Variants in AFF1 observed in about 807,000 individuals in gnomAD.
AFF1 encodes the protein ALF transcription elongation factor 1.
In AFF1, 48 loss-of-function variants were observed where a neutral mutation model predicts 121.7. The observed-to-expected ratio is 0.39, with a 90% CI of 0.31 to 0.50. AFF1 has a LOEUF of 0.50. AFF1 is among the 20% of genes least tolerant of loss of function. The pLI, the probability that AFF1 is intolerant of heterozygous loss-of-function variation, is 0.76. For synonymous variants in AFF1, 613 were observed against 563.0 expected (o/e 1.09, Z -1.26); for missense variants, 1,523 against 1,511.7 (o/e 1.01, Z -0.12).
At chr4:87,115,625 T>TTTTTTTTTTTTTTTA in intron 12 of AFF1, among the ~76,000 whole-genome samples, 1 of 103,036 alleles carries the variant, frequency 9.7e-6, no homozygotes. Context: ...TTTTTTTTTT[T>TTTTTTTTTTTTTTTA]CCAAAGACAG....
chr4:87,084,120 CAG>C lies in AFF1; in HGVS notation c.1062_1063del (p.Gln354HisfsTer5). ...TTTATTTTTTGCTTTTCACTTTCAG[CAG>C]ACCTACTCCAATGAAGTCCATTGTG... Reference protein sequence around the residue: ...KLKMPSQSVEQTYSNEVHCVE... With the variant: ...KLKMPSQSVEXTYSNEVHCVE... On this transcript the variant is annotated frameshift_variant and splice_region_variant, in exon 5 of 21. Coordinates refer to ENST00000395146, the MANE Select transcript of AFF1 (RefSeq NM_001166693.3). LOFTEE classifies it high-confidence loss of function. 1 of 1,613,780 alleles carries C rather than the reference CAG, an allele frequency of 6.2e-7. No homozygotes were observed. Among genetic ancestry groups the C allele is most frequent in the Non-Finnish European group, 8.5e-7 (1 of 1,179,738 alleles).
chr4:87,091,900 T>G, intron 7 of AFF1, 71 bp downstream of exon 7: 2 of 1,194,986 alleles, frequency 1.7e-6, no homozygotes, highest in Non-Finnish European at 2.4e-6. Flanking sequence ...CGTAAAAACA[T>G]TAGTAAAAAA....
intron 2 of AFF1, chr4:86,950,175 C>A (rs1341643935): frequency 7.1e-7 from 1 of 1,408,850 alleles, no homozygotes; most frequent in Non-Finnish European, 1.0e-6. Context: ...ATGTCTCATC[C>A]CGAGGTATTA....
chr4:87,059,344 C>T (rs1390825903), intron 4 of AFF1, among the ~76,000 whole-genome samples: 4 of 152,186 alleles, frequency 2.6e-5, no homozygotes, highest in Non-Finnish European at 5.9e-5. Context: ...TCTCCTTCCT[C>T]CTGGTCATCA....
intron 4 of AFF1, among the ~76,000 whole-genome samples, chr4:87,059,838 G>C (rs1036988717): frequency 1.3e-5 from 2 of 152,150 alleles, no homozygotes; most frequent in Admixed American, 1.3e-4. Context: ...TTTTCTCCAG[G>C]TGGTAAACAT....
chr4:87,031,906 A>G (rs960056353), intron 2 of AFF1, among the ~76,000 whole-genome samples: 1 of 152,204 alleles, frequency 6.6e-6, no homozygotes, highest in African/African-American at 2.4e-5. Flanking sequence ...CTCAGATTCT[A>G]ATTTTTAGCG....
At chr4:86,979,854 A>G (rs1401743675) in intron 2 of AFF1, among the ~76,000 whole-genome samples, 1 of 152,250 alleles carries the variant, frequency 6.6e-6, no homozygotes, top group Non-Finnish European at 1.5e-5. Context: ...ATGTAGCAAA[A>G]TAACATTTGC....
chr4:87,080,479 T>A (rs564823017), intron 4 of AFF1, among the ~76,000 whole-genome samples: 1 of 152,328 alleles, frequency 6.6e-6, no homozygotes, highest in African/African-American at 2.4e-5. Context: ...AGAGTCTGGC[T>A]CCTTTTAGTA....
chr4:87,007,208 G>C, intron 2 of AFF1: 1 of 1,433,028 alleles, frequency 7.0e-7, no homozygotes. Context: ...ATCAGGATTA[G>C]CGCGAGCCAA....
chr4:87,055,982 CTA>C (rs1407488557), intron 4 of AFF1, among the ~76,000 whole-genome samples: 1 of 152,164 alleles, frequency 6.6e-6, no homozygotes, highest in East Asian at 1.9e-4. Context: ...TGAAATAACT[CTA>C]TTGATGGTTT....
chr4:87,084,573 T>G (rs1464064188), intron 5 of AFF1, among the ~76,000 whole-genome samples: 1 of 145,860 alleles, frequency 6.9e-6, no homozygotes, highest in Non-Finnish European at 1.5e-5. Context: ...AATAAATAAA[T>G]AAATAAATAA....
intron 4 of AFF1, among the ~76,000 whole-genome samples, chr4:87,058,914 C>G (rs2061498): frequency 3.3e-5 from 5 of 151,854 alleles, no homozygotes; most frequent in African/African-American, 4.8e-5. Flanking sequence ...GAGGAATGCT[C>G]TTTAAGGCCT....
intron 2 of AFF1, among the ~76,000 whole-genome samples, chr4:87,042,600 GGGTGAT>G (rs1730271691): frequency 1.3e-5 from 2 of 152,238 alleles, no homozygotes; most frequent in African/African-American, 4.8e-5. Context: ...TTTAGTTGAA[GGGTGAT>G]GGTGAATCAT....
chr4:87,099,619 G>A (rs1948479708), intron 8 of AFF1, among the ~76,000 whole-genome samples: 1 of 152,206 alleles, frequency 6.6e-6, no homozygotes, highest in Admixed American at 6.5e-5. Context: ...GTTTGGCCCA[G>A]GCTTGTCTTG....
intron 2 of AFF1, among the ~76,000 whole-genome samples, chr4:86,952,556 A>G (rs1216314246): frequency 1.3e-5 from 2 of 152,182 alleles, no homozygotes; most frequent in African/African-American, 4.8e-5. Context: ...CAGCATGTGT[A>G]TACAACCTGC....
chr4:86,985,383 C>T (rs372937496), intron 2 of AFF1, among the ~76,000 whole-genome samples: 44 of 150,322 alleles, frequency 2.9e-4, no homozygotes, highest in African/African-American at 6.9e-4. Flanking sequence ...TGGTGGTGGG[C>T]GCCTGTAATC....
At position 87,046,771 on chromosome 4, in the gene AFF1, G is replaced by A. The variant is rs761313603; in HGVS notation, c.236G>A (p.Ser79Asn). 8 of 1,614,030 alleles carry A rather than the reference G, an allele frequency of 5.0e-6. No homozygotes were observed. The South Asian group carries it at 7.7e-5, about 16-fold the overall frequency. Reference sequence around the variant, plus strand: ...TACGAAGAAGTGAAGGAGTTCCTTAGTACTAAGTCTCACACTCATCGCCTG... The same window carrying A: ...TACGAAGAAGTGAAGGAGTTCCTTAATACTAAGTCTCACACTCATCGCCTG... ...GNYEEVKEFL[S>N]TKSHTHRLDA... The change falls in exon 4 of 21, where the codon AGT (serine) becomes AAT (asparagine). Residue 79 changes from serine to asparagine, a missense_variant. Ser to Asn is a conservative substitution (Grantham distance 46). Around this residue, in one of 5 missense-constraint regions of AFF1, gnomAD observed 369 missense variants for 367.2 expected, o/e 1.00. Transcript: ENST00000395146.
chr4:87,016,036 C>G (rs1408738790), intron 2 of AFF1, among the ~76,000 whole-genome samples: 2 of 152,138 alleles, frequency 1.3e-5, no homozygotes, highest in Non-Finnish European at 2.9e-5. Flanking sequence ...CAAACATTAG[C>G]TGGGCGTAGT....
intron 2 of AFF1, among the ~76,000 whole-genome samples, chr4:86,961,608 T>C (rs1722149645): frequency 1.3e-5 from 2 of 150,094 alleles, no homozygotes; most frequent in Non-Finnish European, 3.0e-5. Flanking sequence ...GTGATGGGAA[T>C]AGGGGTCACT....
Sources: allele counts gnomAD v4.1 joint callset (sites outside exome capture counted in the v4.1 genomes callset), GRCh38; gene constraint gnomAD v4.1.1; regional missense constraint gnomAD v4.1.1; transcripts MANE v1.5; gene names NCBI Gene and HGNC (gene_info 2026-07-23, HGNC 2026-07-21).